Variants in DMXL1 observed in about 807,000 individuals in gnomAD.
DMXL1 encodes dmX-like protein 1.
DMXL1 carries 99 observed loss-of-function variants against 319.2 expected under a neutral mutation model. That is an observed-to-expected ratio of 0.31 (90% CI 0.26 to 0.37). The LOEUF (loss-of-function observed/expected upper bound fraction) is 0.37. Among genes scored for constraint, DMXL1 ranks in the 10% least tolerant of loss-of-function variants. The probability of loss-of-function intolerance (pLI) is 1.00; values close to 1 mark genes in which losing one functional copy is unlikely to be tolerated. For synonymous variants in DMXL1, 1,385 were observed against 1,235.2 expected (o/e 1.12, Z -2.54); for missense variants, 3,745 against 3,595.6 (o/e 1.04, Z -1.06).
chr5:119,072,458 G>C (rs1283669288), intron 1 of DMXL1, among the ~76,000 whole-genome samples: 1 of 151,950 alleles, frequency 6.6e-6, no homozygotes, highest in Non-Finnish European at 1.5e-5. Context: ...GCTACAATTT[G>C]TGTAGATACC....
intron 1 of DMXL1, among the ~76,000 whole-genome samples, chr5:119,080,854 A>C (rs187667425): frequency 6.6e-6 from 1 of 152,152 alleles, no homozygotes; most frequent in East Asian, 1.9e-4. Context: ...CCATTTACAC[A>C]GTAAGAAACG....
At chr5:119,107,564 T>A (rs1758633853) in intron 4 of DMXL1, among the ~76,000 whole-genome samples, 2 of 152,214 alleles carry the variant, frequency 1.3e-5, no homozygotes, top group African/African-American at 4.8e-5. Context: ...TAATATCTAA[T>A]TCTTAGAGTT....
At chr5:119,158,514 T>A (rs140786656) in intron 19 of DMXL1, among the ~76,000 whole-genome samples, 2 of 152,332 alleles carry the variant, frequency 1.3e-5, no homozygotes, top group African/African-American at 4.8e-5. Flanking sequence ...TCTAGTACTA[T>A]CATAATTGAG....
At chr5:119,161,203 T>TGAGGCAG (rs1772192806) in intron 19 of DMXL1, among the ~76,000 whole-genome samples, 1 of 152,224 alleles carries the variant, frequency 6.6e-6, no homozygotes, top group African/African-American at 2.4e-5. Context: ...GCTAGGCCCC[T>TGAGGCAG]GCCTTTAGGT....
At chr5:119,220,672 T>C (rs1307901367) in intron 36 of DMXL1, 79 bp downstream of exon 36, 1 of 1,521,696 alleles carries the variant, frequency 6.6e-7, no homozygotes, top group Non-Finnish European at 8.9e-7. Context: ...TTTCAAAAGA[T>C]TCTTTAAAGC....
At chr5:119,219,245 A>T (rs1420924552) in intron 35 of DMXL1, among the ~76,000 whole-genome samples, 2 of 152,200 alleles carry the variant, frequency 1.3e-5, no homozygotes, top group Non-Finnish European at 2.9e-5. Context: ...TAGGGGACCC[A>T]AATCTTTTAT....
intron 1 of DMXL1, among the ~76,000 whole-genome samples, chr5:119,088,711 G>C (rs554725926): frequency 6.6e-6 from 1 of 152,098 alleles, no homozygotes; most frequent in Non-Finnish European, 1.5e-5. Flanking sequence ...ATTGAAGTGC[G>C]TTATTATCTT....
chr5:119,186,981 G>A (rs949270437), intron 28 of DMXL1, among the ~76,000 whole-genome samples: 6 of 151,970 alleles, frequency 3.9e-5, no homozygotes, highest in Non-Finnish European at 8.8e-5. Flanking sequence ...TGTAAATGAC[G>A]AGTTAATGGG....
chr5:119,086,321 A>G (rs1753356772), intron 1 of DMXL1, among the ~76,000 whole-genome samples: 1 of 152,142 alleles, frequency 6.6e-6, no homozygotes, highest in South Asian at 2.1e-4. Context: ...ACCATTCAAG[A>G]TGAGATTTGG....
At chr5:119,134,504 CTTTGT>C (rs1243157074) in intron 13 of DMXL1, 115 bp downstream of exon 13, 6 of 925,468 alleles carry the variant, frequency 6.5e-6, no homozygotes, top group Admixed American at 2.8e-5. Flanking sequence ...GCATTTGTAT[CTTTGT>C]TTTATTTTTT....
chr5:119,160,458 T>C (rs901227461), intron 19 of DMXL1, among the ~76,000 whole-genome samples: 2 of 152,238 alleles, frequency 1.3e-5, no homozygotes, highest in African/African-American at 4.8e-5. Flanking sequence ...TCTAACACAG[T>C]ATCTATTCTG....
chr5:119,193,732 A>G (rs946558458), intron 29 of DMXL1, 96 bp from the exon 30 acceptor site: 7 of 1,185,260 alleles, frequency 5.9e-6, no homozygotes, highest in African/African-American at 4.7e-5. Flanking sequence ...ATAATGAAGT[A>G]TCTGCAAATG....
chr5:119,144,487 A>G (rs2150114148), intron 14 of DMXL1, 49 bp from the exon 15 acceptor site: 1 of 1,269,752 alleles, frequency 7.9e-7, no homozygotes, highest in South Asian at 1.3e-5. Flanking sequence ...ATTTAGCATT[A>G]GGTAAATAAC....
At chr5:119,099,566 C>T (rs1420165793) in intron 2 of DMXL1, among the ~76,000 whole-genome samples, 1 of 152,080 alleles carries the variant, frequency 6.6e-6, no homozygotes, top group Non-Finnish European at 1.5e-5. Flanking sequence ...CTCTTTTGTT[C>T]TGTAATCTTT....
intron 1 of DMXL1, among the ~76,000 whole-genome samples, chr5:119,092,418 G>T (rs2149751438): frequency 6.6e-6 from 1 of 151,878 alleles, no homozygotes; most frequent in African/African-American, 2.4e-5. Flanking sequence ...GTATGAATCT[G>T]TTTTTCATTT....
At chr5:119,234,452 C>T (rs1299911118) in intron 39 of DMXL1, among the ~76,000 whole-genome samples, 1 of 152,196 alleles carries the variant, frequency 6.6e-6, no homozygotes, top group Non-Finnish European at 1.5e-5. Context: ...AAATTCTCCT[C>T]ACACATTCCT....
intron 2 of DMXL1, among the ~76,000 whole-genome samples, chr5:119,101,389 A>G (rs1463632212): frequency 1.3e-5 from 2 of 151,988 alleles, no homozygotes; most frequent in African/African-American, 4.8e-5. Context: ...TATGAGACTC[A>G]CTCAAGTTAT....
At chr5:119,151,827 CT>C in intron 18 of DMXL1, 101 bp from the exon 19 acceptor site, 2 of 588,744 alleles carry the variant, frequency 3.4e-6, no homozygotes, top group African/African-American at 1.9e-5. Flanking sequence ...ACACTGATAA[CT>C]TTTTTCTTGG....
intron 13 of DMXL1, among the ~76,000 whole-genome samples, chr5:119,139,234 G>A (rs1766723126): frequency 6.6e-6 from 1 of 152,130 alleles, no homozygotes; most frequent in African/African-American, 2.4e-5. Context: ...AGCCAGCATA[G>A]TAACCAGCTA....
Sources: allele counts gnomAD v4.1 joint callset (sites outside exome capture counted in the v4.1 genomes callset), GRCh38; gene constraint gnomAD v4.1.1; transcripts MANE v1.5; gene names NCBI Gene and HGNC (gene_info 2026-07-23, HGNC 2026-07-21).